Variants in MORC1 observed in about 807,000 individuals in gnomAD.
The protein encoded by MORC1 is MORC family CW-type zinc finger 1.
A neutral mutation model predicts 134.9 loss-of-function variants in MORC1; 59 were observed. The ratio of observed to expected loss-of-function variants is 0.44; its 90% CI spans 0.35 to 0.54. MORC1 has a LOEUF of 0.54. MORC1 is among the 20% of genes least tolerant of loss of function. MORC1 has a pLI of 0.00. For synonymous variants in MORC1, 395 were observed against 391.7 expected (o/e 1.01, Z -0.10); for missense variants, 947 against 1,134.5 (o/e 0.83, Z 2.37).
Position 109,099,351 on chromosome 3 carries a change from C to T in MORC1, c.423+7G>A, listed in dbSNP as rs1209906826. 1.9e-6 allele frequency: 3 copies of T among 1,594,728 alleles called. No individual in the cohort carries two copies. The highest frequency in any genetic ancestry group is 2.6e-6 in the Non-Finnish European group (3 of 1,168,072). On this transcript the variant is annotated splice_region_variant and intron_variant, in intron 6 of 27. Coordinates refer to ENST00000232603, the MANE Select transcript of MORC1 (RefSeq NM_014429.4). ...TATGGGAACAGAAGGAAAACTTCAACTCTTACCTCACTAAGACTTTCTTCT... is the reference window on the plus strand; with the variant it reads ...TATGGGAACAGAAGGAAAACTTCAATTCTTACCTCACTAAGACTTTCTTCT...
chr3:109,044,325 G>A (rs1205980559), intron 14 of MORC1, among the ~76,000 whole-genome samples: 2 of 152,084 alleles, frequency 1.3e-5, no homozygotes, highest in South Asian at 2.1e-4. Flanking sequence ...TTGGGAGGCT[G>A]AGGCGGGCGG....
intron 6 of MORC1, among the ~76,000 whole-genome samples, chr3:109,096,370 C>A (rs1950831297): frequency 6.6e-6 from 1 of 152,148 alleles, no homozygotes; most frequent in Admixed American, 6.5e-5. Context: ...AAAGACCCTG[C>A]TGACCCAGCT....
chr3:109,076,888 GAT>G (rs1239557135), intron 8 of MORC1, among the ~76,000 whole-genome samples: 1 of 151,148 alleles, frequency 6.6e-6, no homozygotes, highest in Non-Finnish European at 1.5e-5. Context: ...ATGACAGGTT[GAT>G]GGGTGCAGCA....
rs751880904 is a variant in MORC1 at position 108,963,557 on chromosome 3, G to C, written c.2656C>G (p.Gln886Glu). The C allele has an allele frequency of 6.3e-7, 1 of 1,592,584 alleles. No individual in the cohort carries two copies. The highest frequency in any genetic ancestry group is 8.5e-7 in the Non-Finnish European group (1 of 1,170,340). Reference protein sequence around the residue: ...QYEKKIKRKLQSIIYDSNTRG... With the variant: ...QYEKKIKRKLESIIYDSNTRG... ...GTATTTGAATCATAGATAATGGACT[G>C]CAATTTCCTCTTTATTTTTTTTTCA... Residue 886 changes from glutamine (Q) to glutamate (E), a missense_variant, in exon 27 of 28, where the codon CAG (glutamine) becomes GAG (glutamate). Around this residue, in one of 3 missense-constraint regions of MORC1, gnomAD observed 722 missense variants for 817.0 expected, o/e 0.88. Transcript: ENST00000232603.
At chr3:108,969,291 T>C in intron 26 of MORC1, among the ~76,000 whole-genome samples, 1 of 152,310 alleles carries the variant, frequency 6.6e-6, no homozygotes, top group Admixed American at 6.5e-5. Context: ...TTAAAAACTA[T>C]TGATAAGGTA....
At chr3:108,987,280 T>G (rs10490846) in intron 21 of MORC1, among the ~76,000 whole-genome samples, 29,036 of 152,188 alleles carry the variant, frequency 0.19, 3,297 homozygotes, top group Middle Eastern at 0.33. Context: ...GGTCAAGTAT[T>G]TGATTCACCA....
Position 109,040,402 on chromosome 3 carries a change from G to GAA in MORC1, c.1331-4935_1331-4934insTT, listed in dbSNP as rs1553753629. Among the ~76,000 whole-genome samples, 15 of 19,144 alleles carry GAA rather than the reference G, an allele frequency of 7.8e-4. 1 individual carries two copies. Among genetic ancestry groups the GAA allele is most frequent in the African/African-American group, 1.1e-3 (9 of 8,202 alleles). The allele number at this position is 19,144 out of a possible 152,430, so 12.6% of individuals were successfully genotyped here. On this transcript the variant is annotated intron_variant, in intron 14 of 27. Transcript: ENST00000232603. ...AGAAAGAAAGAAAGAAAGAAAGAAA[G>GAA]AGAAGGAAGGAAGGAAGGAAGGAAG...
chr3:109,090,784 A>G (rs1188441721), intron 8 of MORC1, among the ~76,000 whole-genome samples: 1 of 152,076 alleles, frequency 6.6e-6, no homozygotes, highest in African/African-American at 2.4e-5. Context: ...GCAGGACTCT[A>G]ATATCTAAGA....
chr3:108,966,459 A>G (rs1052829088), intron 26 of MORC1, among the ~76,000 whole-genome samples: 1 of 152,192 alleles, frequency 6.6e-6, no homozygotes, highest in African/African-American at 2.4e-5. Flanking sequence ...CTTTGATTCA[A>G]CACGTAACTA....
intron 14 of MORC1, among the ~76,000 whole-genome samples, chr3:109,044,280 A>G (rs1046759992): frequency 1.6e-4 from 24 of 148,378 alleles, no homozygotes; most frequent in Middle Eastern, 3.5e-3. Context: ...GCACCTGGGG[A>G]AAAAAAAAAG....
chr3:109,115,542 A>T (rs1951252699), intron 1 of MORC1, among the ~76,000 whole-genome samples: 1 of 152,232 alleles, frequency 6.6e-6, no homozygotes, highest in South Asian at 2.1e-4. Context: ...AGTGTAAAAG[A>T]GAAATACGAT....
At chr3:108,999,011 A>C (rs1371517165) in intron 21 of MORC1, among the ~76,000 whole-genome samples, 1 of 152,264 alleles carries the variant, frequency 6.6e-6, no homozygotes, top group Non-Finnish European at 1.5e-5. Flanking sequence ...ACAGACTTTG[A>C]AACTTCTGAA....
chr3:109,025,372 C>CTT (rs1176927651), intron 17 of MORC1, among the ~76,000 whole-genome samples: 2 of 109,028 alleles, frequency 1.8e-5, no homozygotes, highest in Non-Finnish European at 3.9e-5. Context: ...GTTTCTTTTT[C>CTT]TTTTTTCTTT....
chr3:109,102,701 A>G (rs1283926244), intron 4 of MORC1, among the ~76,000 whole-genome samples: 1 of 152,194 alleles, frequency 6.6e-6, no homozygotes, highest in Non-Finnish European at 1.5e-5. Flanking sequence ...ATATAAAAAG[A>G]GTTGCTTCTT....
chr3:109,091,795 A>G (rs1950735507), intron 8 of MORC1, among the ~76,000 whole-genome samples: 1 of 152,214 alleles, frequency 6.6e-6, no homozygotes. Context: ...TTGCTGAAAA[A>G]CAAATTAGAA....
chr3:108,978,779 G>A (rs1947632388), intron 24 of MORC1, among the ~76,000 whole-genome samples: 1 of 152,142 alleles, frequency 6.6e-6, no homozygotes. Context: ...GGTAGGGCAT[G>A]TTGTTTGTTT....
chr3:109,012,719 TA>T (rs1401991757), intron 17 of MORC1, among the ~76,000 whole-genome samples: 10 of 152,246 alleles, frequency 6.6e-5, no homozygotes, highest in Non-Finnish European at 1.0e-4. Context: ...TGTTTGCTAA[TA>T]TATAGAAAAA....
chr3:109,012,778 C>T (rs543085172), intron 17 of MORC1, among the ~76,000 whole-genome samples: 1 of 152,304 alleles, frequency 6.6e-6, no homozygotes, highest in African/African-American at 2.4e-5. Flanking sequence ...TGCTAAAGCT[C>T]ATTTCAGTAG....
intron 27 of MORC1, among the ~76,000 whole-genome samples, chr3:108,961,205 T>A (rs1947072094): frequency 6.6e-6 from 1 of 152,208 alleles, no homozygotes; most frequent in Non-Finnish European, 1.5e-5. Context: ...CGCCTCTGCA[T>A]CTTTTCTCTG....
Sources: gnomAD v4.1 joint callset for allele counts (sites outside exome capture counted in the v4.1 genomes callset) on GRCh38, gnomAD v4.1.1 for gene constraint, gnomAD v4.1.1 regional missense constraint, MANE v1.5 for transcripts, NCBI Gene and HGNC (gene_info 2026-07-23, HGNC 2026-07-21) for gene names.